The following MTMR14 variants were observed in gnomAD, a reference collection of about 807,000 sequenced individuals.
The protein encoded by MTMR14 is myotubularin related protein 14.
Under a neutral mutation model 86.3 loss-of-function variants are expected in MTMR14, and 48 were observed. The observed-to-expected ratio is 0.56, with a 90% CI of 0.44 to 0.71. MTMR14 has a LOEUF of 0.71. Among genes scored for constraint, MTMR14 ranks in the 30% least tolerant of loss-of-function variants. The pLI is 0.00. For missense variants in MTMR14, 780 were observed against 834.6 expected, an observed-to-expected ratio of 0.93 and a Z score of 0.81; for synonymous variants, 366 against 326.1, an observed-to-expected ratio of 1.12 and a Z score of -1.32.
Position 9,696,849 on chromosome 3 carries a change from T to C in MTMR14, c.1614-862T>C, listed in dbSNP as rs1390264045. Among the ~76,000 whole-genome samples the C allele has an allele frequency of 8.3e-4, 126 of 152,318 alleles. 3 individuals are homozygous for C. Among genetic ancestry groups the C allele is most frequent in the Admixed American group, 8.0e-3 (123 of 15,304 alleles). On this transcript the variant is annotated intron_variant, in intron 17 of 18. Transcript: ENST00000296003. ...AAAGGGTCAAGCATCAAAGATGATG[T>C]CCTGGGGACTGGGACCTGGGGTAGC...
chr3:9,701,905 A>T lies in MTMR14; in HGVS notation c.1885A>T (p.Ile629Phe). The change falls in exon 19 of 19, where the codon ATC becomes TTC. Residue 629 changes from isoleucine to phenylalanine, a missense_variant. Ile to Phe is a conservative substitution (Grantham distance 21). Coordinates refer to ENST00000296003, the MANE Select transcript of MTMR14 (RefSeq NM_001077525.3). The surrounding 1 kb of genome is among the most constrained non-coding windows in gnomAD (Gnocchi z 4.2). ...RAVAPSPSGA[I>F]GGLLEQFARG... is the part of the protein sequence containing the mutation. ...AGTAGCCCCCAGTCCTTCCGGTGCC[A>T]TCGGGGGCCTGCTGGAGCAATTTGC... is the stretch of plus-strand genomic sequence containing the variant. 6.2e-7 allele frequency: 1 copy of T among 1,614,188 alleles called. No individual in the cohort carries two copies. Among genetic ancestry groups the T allele is most frequent in the South Asian group, 1.1e-5 (1 of 91,090 alleles).
At chr3:9,681,392 A>G (rs2075763488) in intron 9 of MTMR14, among the ~76,000 whole-genome samples, 1 of 152,190 alleles carries the variant, frequency 6.6e-6, no homozygotes, top group African/African-American at 2.4e-5. Flanking sequence ...GTCCCTGAAC[A>G]CTAAGCCTTA....
At chr3:9,683,144 T>C in intron 9 of MTMR14, 34 bp from the exon 10 acceptor site, 1 of 1,591,326 alleles carries the variant, frequency 6.3e-7, no homozygotes, top group Non-Finnish European at 8.6e-7. Flanking sequence ...TAAATCTGAG[T>C]TAATGTCCAT....
intron 2 of MTMR14, among the ~76,000 whole-genome samples, chr3:9,658,060 G>A (rs1306509410): frequency 1.3e-5 from 2 of 152,164 alleles, no homozygotes; most frequent in African/African-American, 4.8e-5. Context: ...TAACCTTAGA[G>A]GAGCTTGTTG....
At chr3:9,693,166 C>T (rs1303236375) in intron 17 of MTMR14, among the ~76,000 whole-genome samples, 2 of 152,118 alleles carry the variant, frequency 1.3e-5, no homozygotes, top group South Asian at 4.1e-4. Flanking sequence ...TACAGTCAGC[C>T]CTCCATATCT....
chr3:9,688,902 G>C, intron 15 of MTMR14, 42 bp from the exon 16 acceptor site: 1 of 1,613,712 alleles, frequency 6.2e-7, no homozygotes, highest in Non-Finnish European at 8.5e-7. Flanking sequence ...ACCAGTAGTG[G>C]GAGAAGGTAA....
chr3:9,657,697 C>T (rs777573529), intron 2 of MTMR14, among the ~76,000 whole-genome samples: 2 of 152,060 alleles, frequency 1.3e-5, no homozygotes, highest in African/African-American at 4.8e-5. Flanking sequence ...ATTACAGGCG[C>T]GTGCCACCAT....
At chr3:9,689,594 C>A (rs931128255) in intron 16 of MTMR14, among the ~76,000 whole-genome samples, 12 of 152,014 alleles carry the variant, frequency 7.9e-5, no homozygotes, top group African/African-American at 2.7e-4. Flanking sequence ...TTTGGGAGGC[C>A]AAGGCAGGAG....
chr3:9,687,813 T>C lies in MTMR14; in HGVS notation c.1165-8T>C. 6.4e-7 allele frequency: 1 copy of C among 1,568,516 alleles called. No individual in the cohort carries two copies. Among genetic ancestry groups the C allele is most frequent in the Non-Finnish European group, 8.7e-7 (1 of 1,154,350 alleles). On this transcript the variant is annotated splice_polypyrimidine_tract_variant and splice_region_variant and intron_variant, in intron 13 of 18. Coordinates refer to ENST00000296003, the MANE Select transcript of MTMR14 (RefSeq NM_001077525.3). ...TCTCATTGTGCGCTGCTCTTTGGTCTCCTTTAGATTTTCTTCTTCTGCTTC... is the reference window on the plus strand; with the variant it reads ...TCTCATTGTGCGCTGCTCTTTGGTCCCCTTTAGATTTTCTTCTTCTGCTTC...
intron 3 of MTMR14, among the ~76,000 whole-genome samples, chr3:9,666,236 C>T (rs1165177195): frequency 6.6e-6 from 1 of 150,528 alleles, no homozygotes; most frequent in Non-Finnish European, 1.5e-5. Context: ...CAGGCTCTAG[C>T]GATTCTTGTG....
At chr3:9,650,637 C>T (rs2047226219) in intron 1 of MTMR14, 1 of 260,598 alleles carries the variant, frequency 3.8e-6, no homozygotes, top group Admixed American at 4.4e-5. Context: ...GTAATTTTTC[C>T]AAGTATAGTC....
intron 3 of MTMR14, among the ~76,000 whole-genome samples, chr3:9,667,520 C>A (rs2048322033): frequency 6.6e-6 from 1 of 152,034 alleles, no homozygotes; most frequent in African/African-American, 2.4e-5. Context: ...TTAAGTGGCC[C>A]CCACTGGAGT....
At chr3:9,695,215 A>G (rs9859728) in intron 17 of MTMR14, among the ~76,000 whole-genome samples, 1 of 152,112 alleles carries the variant, frequency 6.6e-6, no homozygotes, top group African/African-American at 2.4e-5. Context: ...GACATGATGC[A>G]CTGTAGGTGT....
At chr3:9,651,144 C>G (rs568127890) in intron 1 of MTMR14, among the ~76,000 whole-genome samples, 1 of 151,730 alleles carries the variant, frequency 6.6e-6, no homozygotes, top group South Asian at 2.1e-4. Context: ...CTCTGCTGCC[C>G]AGGCTGGATT....
chr3:9,675,662 G>T (rs1422882137), intron 7 of MTMR14: 1 of 457,400 alleles, frequency 2.2e-6, no homozygotes, highest in Non-Finnish European at 4.4e-6. Context: ...TGGTTCCGAA[G>T]CCTATTCAGG....
chr3:9,675,600 A>T, intron 7 of MTMR14: 2 of 457,374 alleles, frequency 4.4e-6, no homozygotes, highest in Non-Finnish European at 8.8e-6. Flanking sequence ...TTCCTCCTTG[A>T]GTGAATGGCA....
At chr3:9,692,226 T>G (rs2076158895) in intron 17 of MTMR14, among the ~76,000 whole-genome samples, 1 of 152,176 alleles carries the variant, frequency 6.6e-6, no homozygotes, top group Non-Finnish European at 1.5e-5. Context: ...CTTTGGGTTT[T>G]TATACACTCC....
chr3:9,662,363 G>T lies in MTMR14; in HGVS notation c.405G>T (p.Leu135=), dbSNP rs1361074606. The stretch of plus-strand genomic sequence containing the variant: ...GACGGTTTGTCTGCCCAGTAATCCT[G>T]TTCAAGGGCAAGGTAAGGCCCATAC... ...CRGRFVCPVI[L]FKGKHICRSA... The change falls in exon 3 of 19, where the codon CTG becomes CTT. Residue 135 remains leucine (L), a synonymous_variant. Transcript: ENST00000296003. The T allele has an allele frequency of 1.2e-6, 2 of 1,613,192 alleles. No individual in the cohort carries two copies. Among genetic ancestry groups the T allele is most frequent in the African/African-American group, 2.7e-5 (2 of 74,698 alleles).
chr3:9,691,217 A>C (rs919608144), intron 17 of MTMR14, among the ~76,000 whole-genome samples: 97 of 152,170 alleles, frequency 6.4e-4, no homozygotes, highest in Middle Eastern at 3.2e-3. Flanking sequence ...AGCTCAGAAC[A>C]CTGCCTGAGT....
Sources: gnomAD v4.1 joint callset for allele counts (sites outside exome capture counted in the v4.1 genomes callset) on GRCh38, gnomAD v4.1.1 for gene constraint, Gnocchi (gnomAD v3.1) non-coding constraint, MANE v1.5 for transcripts, NCBI Gene and HGNC (gene_info 2026-07-23, HGNC 2026-07-21) for gene names.